FOXO3B: variants seen among roughly 807,000 people sequenced by gnomAD.
FOXO3B encodes the protein forkhead box O3B.
In FOXO3B, 15 loss-of-function variants were observed where a neutral mutation model predicts 21.9. The ratio of observed to expected loss-of-function variants is 0.68; its 90% CI spans 0.46 to 1.05. FOXO3B has a LOEUF of 1.05. FOXO3B is among the 50% of genes least tolerant of loss of function. FOXO3B has a pLI of 0.00. For synonymous variants in FOXO3B, 135 were observed against 213.6 expected (o/e 0.63, Z 3.21); for missense variants, 293 against 435.5 (o/e 0.67, Z 2.91).
rs765489203 is a variant in FOXO3B, at chr17:18,669,065, TC to T, written c.*3243del. On this transcript the variant is annotated 3_prime_UTR_variant, in exon 4 of 4. Coordinates refer to ENST00000395675, the MANE Select transcript of FOXO3B (RefSeq NM_001368135.1). ...AGATTCAGTAAAAGGCAGGGTGAAA[TC>T]AACAGGGCCATCGCTCAAACATGGC... The T allele has an allele frequency of 5.6e-4, 81 of 144,352 alleles. No homozygotes were observed. Among genetic ancestry groups the T allele is most frequent in the Admixed American group, 5.6e-4 (8 of 14,326 alleles). 8.9% of individuals were successfully genotyped at this position (144,352 alleles called of 1,614,324 possible). A position where few individuals can be genotyped will look rare whatever the true frequency, so the allele number is the denominator to read the frequency against.
At position 18,671,871 on chromosome 17, in the gene FOXO3B, C is replaced by T. The variant is rs71239161; in HGVS notation, c.*438G>A. ...GCTTGCTTACTGAAGGTGACAGGCT[C>T]GCTGAGCTGCTGTAGAGCATGGGCG... On this transcript the variant is annotated 3_prime_UTR_variant, in exon 4 of 4. Coordinates refer to ENST00000395675, the MANE Select transcript of FOXO3B (RefSeq NM_001368135.1). 290 of 1,613,310 alleles carry T rather than the reference C, an allele frequency of 1.8e-4. 2 individuals carry two copies. In the South Asian group the frequency reaches 2.9e-3, roughly 16 times the overall value.
At chr17:18,675,489 T>A (rs2032467038) in intron 3 of FOXO3B, among the ~76,000 whole-genome samples, 1 of 152,104 alleles carries the variant, frequency 6.6e-6, no homozygotes. Flanking sequence ...AACAGATATA[T>A]CCATAATCAC....
intron 3 of FOXO3B, among the ~76,000 whole-genome samples, chr17:18,676,767 C>A (rs1056918997): frequency 2.0e-5 from 3 of 151,318 alleles, no homozygotes; most frequent in Non-Finnish European, 4.4e-5. Flanking sequence ...ATGGCATGAT[C>A]TCGGCTCACT....
At chr17:18,677,222 T>A (rs2032504015) in intron 3 of FOXO3B, 1 of 1,522,456 alleles carries the variant, frequency 6.6e-7, no homozygotes, top group Non-Finnish European at 9.0e-7. Flanking sequence ...TGAGTATGTA[T>A]CTATCCTCTG....
In FOXO3B at chr17:18,671,780, C is replaced by G; in HGVS notation, c.*529G>C. The G allele has an allele frequency of 6.2e-7, 1 of 1,613,408 alleles. No homozygotes were observed. Among genetic ancestry groups the G allele is most frequent in the Admixed American group, 1.7e-5 (1 of 59,968 alleles). ...GCAGGTCGTCCATGAGGTTTTCAGT[C>G]AGCCCCATCATTCAGATTCATGGTG... On this transcript the variant is annotated 3_prime_UTR_variant, in exon 4 of 4. Transcript: ENST00000395675.
In FOXO3B at chr17:18,679,452, C is replaced by CT. The variant is rs546420565; in HGVS notation, c.126+1288dup. ...GGAAAGCTCCTTTTTTCCTCCTCAACTTTTTTTTTTTTTTTTTGAGACAGT... is the reference window on the plus strand; with the variant it reads ...GGAAAGCTCCTTTTTTCCTCCTCAACTTTTTTTTTTTTTTTTTTGAGACAGT... On this transcript the variant is annotated intron_variant, in intron 3 of 3. Transcript: ENST00000395675. 6.4e-3 allele frequency among the ~76,000 whole-genome samples: 814 copies of CT among 127,354 alleles called. 31 individuals are homozygous for CT. Among genetic ancestry groups the CT allele is most frequent in the African/African-American group, 0.019 (592 of 30,988 alleles). The allele number at this position is 127,354 out of a possible 152,430, so 83.5% of individuals were successfully genotyped here.
Position 18,670,805 on chromosome 17 carries a change from G to C in FOXO3B, c.*1504C>G, listed in dbSNP as rs1381086841. 1.6e-6 allele frequency: 2 copies of C among 1,238,090 alleles called. No homozygotes were observed. The highest frequency in any genetic ancestry group is 3.0e-5 in the African/African-American group (2 of 66,848). 76.7% of individuals were successfully genotyped at this position (1,238,090 alleles called of 1,614,324 possible). On this transcript the variant is annotated 3_prime_UTR_variant, in exon 4 of 4. Transcript: ENST00000395675. ...GTGTTAAGCTGTAAACGGTATCACTGTCCACTTGCTGAGAGCAGATTTGGC... is the reference window on the plus strand; with the variant it reads ...GTGTTAAGCTGTAAACGGTATCACTCTCCACTTGCTGAGAGCAGATTTGGC...
At chr17:18,680,353 A>C (rs1325775134) in intron 3 of FOXO3B, among the ~76,000 whole-genome samples, 1 of 152,172 alleles carries the variant, frequency 6.6e-6, no homozygotes, top group Non-Finnish European at 1.5e-5. Context: ...TTCAGCATTT[A>C]AGTGCTTTCT....
rs909306381 is a variant in FOXO3B, at chr17:18,668,370, A to G, written c.*3939T>C. 1.3e-5 allele frequency: 2 copies of G among 152,588 alleles called. No individual in the cohort carries two copies. Among genetic ancestry groups the G allele is most frequent in the Non-Finnish European group, 2.9e-5 (2 of 68,038 alleles). The allele number at this position is 152,588 out of a possible 1,614,324, so 9.5% of individuals were successfully genotyped here. On this transcript the variant is annotated 3_prime_UTR_variant, in exon 4 of 4. Transcript: ENST00000395675. ...CTGTTTTATGCTGCCTTGCCCTTGTACCTTCTCTGTCCCTTCCTCAGCTGT... is the reference window on the plus strand; with the variant it reads ...CTGTTTTATGCTGCCTTGCCCTTGTGCCTTCTCTGTCCCTTCCTCAGCTGT...
chr17:18,677,675 G>T, intron 3 of FOXO3B: 2 of 1,606,336 alleles, frequency 1.2e-6, no homozygotes, highest in South Asian at 2.2e-5. Flanking sequence ...AGGGTCCCAT[G>T]GCCAAGAAGC....
In FOXO3B at chr17:18,669,557, C is replaced by A. The variant is rs1389123267; in HGVS notation, c.*2752G>T. 6.6e-6 allele frequency: 1 copy of A among 152,566 alleles called. No homozygotes were observed. Among genetic ancestry groups the A allele is most frequent in the Non-Finnish European group, 1.5e-5 (1 of 68,038 alleles). 9.5% of individuals were successfully genotyped at this position (152,566 alleles called of 1,614,324 possible). ...TACCAAAGAAGGTAACGAATATAAT[C>A]ACACTTTCCAGGTTAAACAGAAAGC... On this transcript the variant is annotated 3_prime_UTR_variant, in exon 4 of 4. Transcript: ENST00000395675.
In FOXO3B at chr17:18,667,997, C is replaced by T. The variant is rs2032298614; in HGVS notation, c.*4312G>A. On this transcript the variant is annotated 3_prime_UTR_variant, in exon 4 of 4. Transcript: ENST00000395675. ...CCCGTGACACTCACTCAGAATGTGACATGGTGGCCAACGGCTGGCCTGTCC... is the reference window on the plus strand; with the variant it reads ...CCCGTGACACTCACTCAGAATGTGATATGGTGGCCAACGGCTGGCCTGTCC... 2.0e-5 allele frequency: 3 copies of T among 152,236 alleles called. No homozygotes were observed. The highest frequency in any genetic ancestry group is 4.1e-4 in the South Asian group (2 of 4,828). 9.4% of individuals were successfully genotyped at this position (152,236 alleles called of 1,614,324 possible). A position where few individuals can be genotyped will look rare whatever the true frequency, so the allele number is the denominator to read the frequency against.
At chr17:18,681,562 A>G in intron 2 of FOXO3B, 53 bp downstream of exon 2, 1 of 673,224 alleles carries the variant, frequency 1.5e-6, no homozygotes, top group South Asian at 1.7e-5. Flanking sequence ...TCCCTTCAGG[A>G]GCAGGAATTT....
Position 18,671,397 on chromosome 17 carries a change from A to C in FOXO3B, c.*912T>G, listed in dbSNP as rs2032360473. 4 of 1,612,736 alleles carry C rather than the reference A, an allele frequency of 2.5e-6. No individual in the cohort carries two copies. Among genetic ancestry groups the C allele is most frequent in the East Asian group, 2.2e-5 (1 of 44,842 alleles). ...GGACATCATCGGATCATTGCGAAGC[A>C]TCACGTTCCGGCGGGAATTCTGGGC... On this transcript the variant is annotated 3_prime_UTR_variant, in exon 4 of 4. Transcript: ENST00000395675.
chr17:18,678,974 A>G (rs2032539671), intron 3 of FOXO3B, among the ~76,000 whole-genome samples: 1 of 151,754 alleles, frequency 6.6e-6, no homozygotes, highest in South Asian at 2.1e-4. Context: ...GAATGACTAG[A>G]AGAGAATCTG....
chr17:18,675,702 G>T (rs980826371), intron 3 of FOXO3B, among the ~76,000 whole-genome samples: 7 of 152,110 alleles, frequency 4.6e-5, no homozygotes, highest in Non-Finnish European at 7.4e-5. Context: ...TTTACCACAG[G>T]TAGCATTACA....
chr17:18,674,579 T>C (rs9912243), intron 3 of FOXO3B, among the ~76,000 whole-genome samples: 8,906 of 130,632 alleles, frequency 0.068, 930 homozygotes, highest in African/African-American at 0.24. Context: ...TGAGCCAAGA[T>C]CGCACCACTG....
At chr17:18,676,668 G>A (rs2032489480) in intron 3 of FOXO3B, among the ~76,000 whole-genome samples, 1 of 151,698 alleles carries the variant, frequency 6.6e-6, no homozygotes, top group Non-Finnish European at 1.5e-5. Flanking sequence ...ACTTCTAGGG[G>A]AGAAAGAGAA....
chr17:18,678,335 G>C (rs1349437431), intron 3 of FOXO3B, among the ~76,000 whole-genome samples: 1 of 152,114 alleles, frequency 6.6e-6, no homozygotes, highest in Non-Finnish European at 1.5e-5. Context: ...GGGTACTGGT[G>C]GGTAGATGGA....
Sources: allele counts gnomAD v4.1 joint callset (sites outside exome capture counted in the v4.1 genomes callset), GRCh38; gene constraint gnomAD v4.1.1; transcripts MANE v1.5; gene names NCBI Gene and HGNC (gene_info 2026-07-23, HGNC 2026-07-21).